Variants in DGKH observed in about 807,000 individuals in gnomAD.
DGKH encodes diacylglycerol kinase eta, also known as DAG kinase eta.
A neutral mutation model predicts 159.3 loss-of-function variants in DGKH; 90 were observed. That is an observed-to-expected ratio of 0.57 (90% CI 0.48 to 0.67). The LOEUF is 0.67. Among genes scored for constraint, DGKH ranks in the 30% least tolerant of loss-of-function variants. The pLI is 0.00. For missense variants in DGKH, 1,181 were observed against 1,506.1 expected (o/e 0.78, Z 3.57); for synonymous variants, 536 against 553.8 (o/e 0.97, Z 0.45).
At chr13:42,169,691 G>A (rs1229597497) in intron 11 of DGKH, among the ~76,000 whole-genome samples, 1 of 152,210 alleles carries the variant, frequency 6.6e-6, no homozygotes, top group South Asian at 2.1e-4. Context: ...ATTACTCTAA[G>A]ATGGGCTATA....
chr13:42,143,409 C>T (rs1406292075), intron 3 of DGKH, among the ~76,000 whole-genome samples: 1 of 152,102 alleles, frequency 6.6e-6, no homozygotes, highest in Non-Finnish European at 1.5e-5. Flanking sequence ...TGATGCTGCC[C>T]TCATAAAATG....
chr13:42,133,905 A>G (rs760145105), intron 3 of DGKH, among the ~76,000 whole-genome samples: 21 of 152,236 alleles, frequency 1.4e-4, no homozygotes, highest in Non-Finnish European at 2.8e-4. Flanking sequence ...ACCTTCCTCA[A>G]TTATTGTGAC....
intron 29 of DGKH, among the ~76,000 whole-genome samples, chr13:42,248,526 A>G (rs1403653074): frequency 6.8e-6 from 1 of 147,078 alleles, no homozygotes; most frequent in Non-Finnish European, 1.5e-5. Context: ...TATTTATGCA[A>G]TTATTTAATA....
At chr13:42,151,532 T>A (rs752263287) in intron 3 of DGKH, among the ~76,000 whole-genome samples, 412 of 36,436 alleles carry the variant, frequency 0.011, no homozygotes, top group East Asian at 0.058. Context: ...TATACACGTG[T>A]ATATATATAT....
intron 11 of DGKH, among the ~76,000 whole-genome samples, chr13:42,169,950 T>C (rs1406440893): frequency 6.6e-6 from 1 of 152,230 alleles, no homozygotes; most frequent in Admixed American, 6.5e-5. Context: ...CCTATGGATA[T>C]GTTAGTTAGC....
chr13:42,255,993 C>T, intron 30 of DGKH: 1 of 1,601,052 alleles, frequency 6.2e-7, no homozygotes, highest in Non-Finnish European at 8.6e-7. Context: ...ATGAACACTA[C>T]TGCCTGTAGT....
intron 21 of DGKH, 53 bp from the exon 22 acceptor site, chr13:42,208,906 A>C: frequency 8.4e-7 from 1 of 1,188,764 alleles, no homozygotes; most frequent in Non-Finnish European, 1.2e-6. Context: ...ACATTGCTTA[A>C]CGTGCTCTTC....
At chr13:42,227,480 A>T (rs1444633720) in intron 29 of DGKH, among the ~76,000 whole-genome samples, 1 of 152,202 alleles carries the variant, frequency 6.6e-6, no homozygotes, top group Non-Finnish European at 1.5e-5. Flanking sequence ...AAGTGTAAAG[A>T]TATTTAAATA....
At chr13:42,163,943 T>C (rs2137996106) in intron 7 of DGKH, among the ~76,000 whole-genome samples, 1 of 152,336 alleles carries the variant, frequency 6.6e-6, no homozygotes, top group East Asian at 1.9e-4. Flanking sequence ...TGCCCATGCC[T>C]ATGTCCTGAA....
intron 9 of DGKH, among the ~76,000 whole-genome samples, chr13:42,168,034 C>T (rs1381147895): frequency 1.3e-5 from 2 of 152,146 alleles, no homozygotes; most frequent in African/African-American, 2.4e-5. Context: ...TCTTTAGGAA[C>T]TGCCTGAGCG....
At chr13:42,186,769 A>T (rs1194120890) in intron 13 of DGKH, among the ~76,000 whole-genome samples, 1 of 152,216 alleles carries the variant, frequency 6.6e-6, no homozygotes, top group East Asian at 1.9e-4. Flanking sequence ...TTTAAATGGG[A>T]TCTAAAAATA....
intron 3 of DGKH, among the ~76,000 whole-genome samples, chr13:42,134,085 A>G (rs1048468517): frequency 2.6e-5 from 4 of 152,196 alleles, no homozygotes; most frequent in Non-Finnish European, 5.9e-5. Context: ...TAGTGGGTGG[A>G]AACTACATAA....
At chr13:42,193,952 A>C (rs1957144881) in intron 16 of DGKH, among the ~76,000 whole-genome samples, 1 of 152,210 alleles carries the variant, frequency 6.6e-6, no homozygotes, top group African/African-American at 2.4e-5. Context: ...GCCTCAGTTT[A>C]GAGTTAAATC....
At chr13:42,225,003 C>T (rs9594713) in intron 29 of DGKH, among the ~76,000 whole-genome samples, 20,102 of 152,062 alleles carry the variant, frequency 0.13, 1,700 homozygotes, top group Admixed American at 0.23. Flanking sequence ...CTCACTGCAG[C>T]CTCAACCTCC....
At chr13:42,137,934 A>C (rs1197576696) in intron 3 of DGKH, 1 of 198,374 alleles carries the variant, frequency 5.0e-6, no homozygotes, top group Non-Finnish European at 9.1e-6. Flanking sequence ...AGTGCGCAGG[A>C]CCTGTGGTTG....
chr13:42,148,015 TAAG>T (rs1955781938), intron 3 of DGKH, among the ~76,000 whole-genome samples: 2 of 152,172 alleles, frequency 1.3e-5, no homozygotes, highest in African/African-American at 4.8e-5. Context: ...ATATTGTTCT[TAAG>T]GGGAGAAAAA....
Position 42,209,454 on chromosome 13 carries a change from A to T in DGKH, c.2839A>T (p.Thr947Ser), listed in dbSNP as rs1186243453. ...GCACAAAAACAGAGCACAAATGCTAACAAGGGACAGAGTATGTAACAAAAA... is the reference window on the plus strand; with the variant it reads ...GCACAAAAACAGAGCACAAATGCTATCAAGGGACAGAGTATGTAACAAAAA... The part of the protein sequence containing the change: ...IVHKNRAQML[T>S]RDRAFESTLK... Residue 947 changes from threonine (T) to serine (S), a missense_variant, in exon 23 of 30, where the codon ACA becomes TCA. Physicochemically the swap from Thr to Ser is moderately conservative, Grantham distance 58. Around this residue, in one of 5 missense-constraint regions of DGKH, gnomAD observed 335 missense variants for 495.2 expected, o/e 0.68. Transcript: ENST00000337343. The T allele has an allele frequency of 6.2e-7, 1 of 1,610,980 alleles. No individual in the cohort carries two copies. Among genetic ancestry groups the T allele is most frequent in the East Asian group, 2.2e-5 (1 of 44,838 alleles).
intron 1 of DGKH, among the ~76,000 whole-genome samples, chr13:42,100,608 TATTA>T (rs1954635448): frequency 6.6e-6 from 1 of 152,206 alleles, no homozygotes; most frequent in African/African-American, 2.4e-5. Context: ...CAATTTTTTT[TATTA>T]ATTGACTTCA....
chr13:42,041,498 G>T (rs1162097368), intron 1 of DGKH, among the ~76,000 whole-genome samples: 1 of 152,196 alleles, frequency 6.6e-6, no homozygotes, highest in African/African-American at 2.4e-5. Context: ...CTGGGATTTC[G>T]CTGCACACGC....
Sources: allele counts gnomAD v4.1 joint callset (sites outside exome capture counted in the v4.1 genomes callset), GRCh38; gene constraint gnomAD v4.1.1; regional missense constraint gnomAD v4.1.1; transcripts MANE v1.5; gene names NCBI Gene and HGNC (gene_info 2026-07-23, HGNC 2026-07-21).